HPSE2: variants seen among roughly 807,000 people sequenced by gnomAD.
The protein encoded by HPSE2 is inactive heparanase-2.
HPSE2 carries 38 observed loss-of-function variants against 60.5 expected under a neutral mutation model. The observed-to-expected ratio is 0.63, with a 90% CI of 0.48 to 0.82. The LOEUF is 0.82. HPSE2 is among the 40% of genes least tolerant of loss of function. The probability of loss-of-function intolerance (pLI) is 0.00; values close to 1 mark genes in which losing one functional copy is unlikely to be tolerated. For missense variants in HPSE2, 713 were observed against 740.4 expected (o/e 0.96, Z 0.43); for synonymous variants, 295 against 293.2 (o/e 1.01, Z -0.06).
In HPSE2 at chr10:98,933,524, CAAT is replaced by C. The variant is rs750321073; in HGVS notation, c.611-189471_611-189469del. ...GGATATCTTTGTTAATTTTCTGTCT[CAAT>C]GATCTGTCTAACACTGCCAGTGGGG... On this transcript the variant is annotated intron_variant, in intron 3 of 11. Transcript: ENST00000370552. Among the ~76,000 whole-genome samples, 18 of 143,560 alleles carry C rather than the reference CAAT, an allele frequency of 1.3e-4. 2 individuals carry two copies. Among genetic ancestry groups the C allele is most frequent in the East Asian group, 9.9e-4 (5 of 5,060 alleles). The allele number at this position is 143,560 out of a possible 152,430, so 94.2% of individuals were successfully genotyped here. A position where few individuals can be genotyped will look rare whatever the true frequency, so the allele number is the denominator to read the frequency against.
At chr10:99,085,829 A>C (rs554920998) in intron 3 of HPSE2, among the ~76,000 whole-genome samples, 23 of 152,134 alleles carry the variant, frequency 1.5e-4, no homozygotes, top group Non-Finnish European at 3.1e-4. Context: ...TATCTCCACT[A>C]TCCCTATTCA....
At chr10:99,149,095 T>C (rs1160182082) in intron 2 of HPSE2, among the ~76,000 whole-genome samples, 1 of 152,078 alleles carries the variant, frequency 6.6e-6, no homozygotes, top group Non-Finnish European at 1.5e-5. Flanking sequence ...GAGCCAAAGA[T>C]GACTTGCTTT....
At chr10:98,854,866 T>C (rs1952270842) in intron 3 of HPSE2, among the ~76,000 whole-genome samples, 2 of 152,112 alleles carry the variant, frequency 1.3e-5, no homozygotes, top group African/African-American at 4.8e-5. Context: ...TAATAACCAA[T>C]AAAGCTTAAA....
chr10:98,579,005 C>G (rs1189719711), intron 9 of HPSE2, among the ~76,000 whole-genome samples: 1 of 152,186 alleles, frequency 6.6e-6, no homozygotes, highest in East Asian at 1.9e-4. Flanking sequence ...GAAATTTACA[C>G]AGGAATTTAA....
At chr10:98,469,687 C>A (rs1940696345) in intron 11 of HPSE2, among the ~76,000 whole-genome samples, 1 of 152,166 alleles carries the variant, frequency 6.6e-6, no homozygotes, top group African/African-American at 2.4e-5. Flanking sequence ...TTTCCCTTTG[C>A]CCCACAAAGC....
chr10:98,542,401 A>C (rs600862), intron 9 of HPSE2, among the ~76,000 whole-genome samples: 6,915 of 152,150 alleles, frequency 0.045, 113 homozygotes, highest in South Asian at 0.081. Context: ...AAAAACTGGA[A>C]ACTCTAAAAA....
intron 3 of HPSE2, among the ~76,000 whole-genome samples, chr10:99,035,668 C>G (rs554456265): frequency 2.0e-5 from 3 of 152,320 alleles, no homozygotes; most frequent in South Asian, 2.1e-4. Context: ...ACACCAGCAT[C>G]ACTATAAACA....
At chr10:99,154,141 G>T (rs1194632932) in intron 2 of HPSE2, among the ~76,000 whole-genome samples, 1 of 143,844 alleles carries the variant, frequency 7.0e-6, no homozygotes, top group Non-Finnish European at 1.5e-5. Context: ...GTACCTGAAA[G>T]TGATGGGGAG....
At chr10:99,062,184 C>T (rs1455447992) in intron 3 of HPSE2, among the ~76,000 whole-genome samples, 1 of 152,168 alleles carries the variant, frequency 6.6e-6, no homozygotes, top group Non-Finnish European at 1.5e-5. Flanking sequence ...ATAGTGTTCT[C>T]TATCTTGATT....
chr10:99,236,659 G>A (rs568638695), upstream of HPSE2, among the ~76,000 whole-genome samples: 2 of 152,274 alleles, frequency 1.3e-5, no homozygotes, highest in African/African-American at 4.8e-5. Context: ...GAAAAACATA[G>A]TGACCTGGTC....
At chr10:99,296,389 C>T in the HPSE2 span, among the ~76,000 whole-genome samples, 1 of 152,168 alleles carries the variant, frequency 6.6e-6, no homozygotes, top group East Asian at 1.9e-4. Flanking sequence ...TTATGTTTGC[C>T]ATGAACACAG....
intron 3 of HPSE2, among the ~76,000 whole-genome samples, chr10:99,079,611 G>A (rs558416507): frequency 6.6e-6 from 1 of 152,136 alleles, no homozygotes; most frequent in Non-Finnish European, 1.5e-5. Flanking sequence ...TTCCAAGGCT[G>A]CTATAATATG....
chr10:98,601,184 T>C (rs2133943163), intron 9 of HPSE2, among the ~76,000 whole-genome samples: 1 of 152,068 alleles, frequency 6.6e-6, no homozygotes, highest in African/African-American at 2.4e-5. Context: ...CTTCAACTGA[T>C]TGGATGAAGC....
the HPSE2 span, among the ~76,000 whole-genome samples, chr10:99,278,090 C>CAA: frequency 5.9e-5 from 7 of 118,278 alleles, no homozygotes; most frequent in Admixed American, 8.7e-5. Flanking sequence ...GACTCCCTCT[C>CAA]AAAAAAAAAA....
chr10:98,750,017 G>C (rs1032362221), intron 3 of HPSE2, among the ~76,000 whole-genome samples: 14 of 148,390 alleles, frequency 9.4e-5, no homozygotes, highest in Admixed American at 2.7e-4. Flanking sequence ...CCTCATGGAG[G>C]TTACATTTAA....
rs766965221 is a variant in HPSE2, at chr10:98,689,955, C to A, written c.1004+3945G>T. On this transcript the variant is annotated intron_variant, in intron 6 of 11. Coordinates refer to ENST00000370552, the MANE Select transcript of HPSE2 (RefSeq NM_021828.5). Reference sequence around the variant, plus strand: ...GACATTCAAATTCCAACCTCTGTCTCTCATGTGACAAATGGCAGCTGAAAT... The same window carrying A: ...GACATTCAAATTCCAACCTCTGTCTATCATGTGACAAATGGCAGCTGAAAT... Among the ~76,000 whole-genome samples the A allele has an allele frequency of 5.2e-4, 79 of 152,172 alleles. 2 individuals are homozygous for A. Among genetic ancestry groups the A allele is most frequent in the Non-Finnish European group, 1.9e-4 (13 of 68,030 alleles).
At chr10:99,143,540 A>T (rs1259487214) in intron 3 of HPSE2, among the ~76,000 whole-genome samples, 3 of 152,196 alleles carry the variant, frequency 2.0e-5, no homozygotes, top group Non-Finnish European at 4.4e-5. Flanking sequence ...AAGAAAATGG[A>T]GGTAACTTGG....
chr10:99,116,290 C>A (rs1428610976), intron 3 of HPSE2, among the ~76,000 whole-genome samples: 1 of 151,984 alleles, frequency 6.6e-6, no homozygotes, highest in Admixed American at 6.6e-5. Flanking sequence ...TTAAAGTTGT[C>A]CAACCACTTG....
chr10:98,609,242 G>A (rs1321607168), intron 9 of HPSE2, among the ~76,000 whole-genome samples: 2 of 152,142 alleles, frequency 1.3e-5, no homozygotes, highest in Non-Finnish European at 2.9e-5. Flanking sequence ...TACAGTCCCT[G>A]CTAACTTGTC....
Sources: gnomAD v4.1 joint callset for allele counts (sites outside exome capture counted in the v4.1 genomes callset) on GRCh38, gnomAD v4.1.1 for gene constraint, MANE v1.5 for transcripts, NCBI Gene and HGNC (gene_info 2026-07-23, HGNC 2026-07-21) for gene names.